Variants in DNAH12 observed in about 807,000 individuals in gnomAD.
The protein encoded by DNAH12 is axonemal beta dynein heavy chain 12.
In DNAH12, 285 loss-of-function variants were observed where a neutral mutation model predicts 371.5. The observed-to-expected ratio is 0.77, with a 90% CI of 0.70 to 0.85. The LOEUF (loss-of-function observed/expected upper bound fraction) is 0.85, where lower values mean the gene tolerates loss of function less well. Among genes scored for constraint, DNAH12 ranks in the 40% least tolerant of loss-of-function variants. The pLI is 0.00. For synonymous variants in DNAH12, 1,200 were observed against 1,213.0 expected (o/e 0.99, Z 0.22); for missense variants, 3,611 against 3,689.4 (o/e 0.98, Z 0.55).
At chr3:57,491,762 C>T (rs1440269583) in intron 11 of DNAH12, among the ~76,000 whole-genome samples, 1 of 150,526 alleles carries the variant, frequency 6.6e-6, no homozygotes, top group Admixed American at 6.6e-5. Context: ...ATAGGGAAAC[C>T]CCCATCTCTA....
intron 11 of DNAH12, among the ~76,000 whole-genome samples, chr3:57,497,620 T>A (rs1383962128): frequency 6.6e-6 from 1 of 152,186 alleles, no homozygotes; most frequent in Non-Finnish European, 1.5e-5. Flanking sequence ...ATGTGAAAGC[T>A]ACAACTATAA....
At chr3:57,550,794 T>A in the DNAH12 span, among the ~76,000 whole-genome samples, 415 of 151,784 alleles carry the variant, frequency 2.7e-3, 1 homozygote, top group African/African-American at 9.6e-3. Context: ...AAGTGCCATA[T>A]ATTTATTCTA....
At chr3:57,492,076 C>T (rs1205482336) in intron 11 of DNAH12, among the ~76,000 whole-genome samples, 3 of 151,988 alleles carry the variant, frequency 2.0e-5, no homozygotes, top group African/African-American at 7.2e-5. Context: ...GTGGAAGGAT[C>T]ACTTGAGCCC....
chr3:57,394,239 C>T lies in DNAH12; in HGVS notation c.7042G>A (p.Asp2348Asn), dbSNP rs1180111691. ...ACTTCTCCTGTATTGAGCACACTGT[C>T]GATATCCTCTAGGAAAGCTTCCTCT... The part of the protein sequence containing the change: ...IKEEAFLEDI[D>N]SVLNTGEVPN... The change falls in exon 44 of 74, where the codon GAC (aspartate) becomes AAC (asparagine). Residue 2348 changes from aspartate (D) to asparagine (N), a missense_variant. By Grantham distance (23) the Asp-to-Asn change is conservative (BLOSUM62 1). Coordinates refer to ENST00000495027, the MANE Select transcript of DNAH12 (RefSeq NM_001366028.2). 3 of 152,168 alleles carry T rather than the reference C, an allele frequency of 2.0e-5. No homozygotes were observed. The highest frequency in any genetic ancestry group is 4.8e-5 in the African/African-American group (2 of 41,426). 9.4% of individuals were successfully genotyped at this position (152,168 alleles called of 1,614,324 possible). A position where few individuals can be genotyped will look rare whatever the true frequency, so the allele number is the denominator to read the frequency against.
In DNAH12 at chr3:57,501,317, T is replaced by C. The variant is rs1171261320; in HGVS notation, c.1335+4A>G. ...GCATTAATAAAAACAGAATTACCGC[T>C]TACCTCTGTATATTCATCAAAAGTA... is the stretch of plus-strand genomic sequence containing the variant. On this transcript the variant is annotated splice_donor_region_variant and intron_variant, in intron 11 of 73. Transcript: ENST00000495027. The C allele has an allele frequency of 1.3e-6, 2 of 1,599,030 alleles. No homozygotes were observed. The highest frequency in any genetic ancestry group is 3.5e-5 in the Admixed American group (2 of 56,992).
chr3:57,455,424 G>A (rs191361969), intron 22 of DNAH12, among the ~76,000 whole-genome samples: 271 of 151,474 alleles, frequency 1.8e-3, no homozygotes, highest in African/African-American at 6.1e-3. Context: ...AAAAAAAATA[G>A]CTGGGCATGG....
intron 60 of DNAH12, among the ~76,000 whole-genome samples, chr3:57,339,976 T>C (rs1553655564): frequency 1.3e-5 from 2 of 151,598 alleles, no homozygotes; most frequent in East Asian, 3.9e-4. Flanking sequence ...GAGGCTGATA[T>C]GGGAGGATTG....
chr3:57,528,800 C>T (rs1345683951), intron 2 of DNAH12, among the ~76,000 whole-genome samples: 3 of 149,732 alleles, frequency 2.0e-5, no homozygotes, highest in Non-Finnish European at 4.4e-5. Context: ...CTGGGATTTT[C>T]AATTTCTTTT....
At position 57,412,265 on chromosome 3, in the gene DNAH12, T is replaced by C. The variant is rs142671270; in HGVS notation, c.6020+1481A>G. ...CAACTGGACATACACGTGTAAAAAA[T>C]TGACCTATACACAATTTTACACCCT... On this transcript the variant is annotated intron_variant, in intron 39 of 73. Transcript: ENST00000495027. Among the ~76,000 whole-genome samples, 483 of 152,228 alleles carry C rather than the reference T, an allele frequency of 3.2e-3. 3 individuals are homozygous for C. The highest frequency in any genetic ancestry group is 4.7e-3 in the Non-Finnish European group (323 of 68,012).
chr3:57,399,726 C>T (rs2063817278), intron 43 of DNAH12, among the ~76,000 whole-genome samples: 1 of 152,200 alleles, frequency 6.6e-6, no homozygotes, highest in Non-Finnish European at 1.5e-5. Context: ...ACTCACTCCT[C>T]TTCGTCCTCT....
chr3:57,398,889 G>A (rs1191757086), intron 43 of DNAH12, among the ~76,000 whole-genome samples: 1 of 152,144 alleles, frequency 6.6e-6, no homozygotes, highest in Non-Finnish European at 1.5e-5. Flanking sequence ...TAAACATGTG[G>A]AGAAATAGAG....
In DNAH12 at chr3:57,405,637, T is replaced by C. The variant is rs781937873; in HGVS notation, c.6576+16A>G. ...GTACTGCTTTAACTCAATATGTTCT[T>C]AATCGCCATACTCACTGGTGCATTT... On this transcript the variant is annotated intron_variant, in intron 41 of 73. Coordinates refer to ENST00000495027, the MANE Select transcript of DNAH12 (RefSeq NM_001366028.2). The C allele has an allele frequency of 6.5e-7, 1 of 1,545,998 alleles. No individual in the cohort carries two copies. Among genetic ancestry groups the C allele is most frequent in the African/African-American group, 1.4e-5 (1 of 72,860 alleles).
intron 39 of DNAH12, among the ~76,000 whole-genome samples, chr3:57,410,244 G>T (rs554105982): frequency 1.2e-3 from 188 of 152,024 alleles, no homozygotes; most frequent in African/African-American, 4.4e-3. Flanking sequence ...TTTTCCAACA[G>T]CATTTGCTTA....
chr3:57,429,617 T>TA, intron 33 of DNAH12, 74 bp downstream of exon 33: 1 of 1,380,540 alleles, frequency 7.2e-7, no homozygotes, highest in Non-Finnish European at 9.8e-7. Flanking sequence ...TGACATATAA[T>TA]AAAAAATACT....
intron 65 of DNAH12, among the ~76,000 whole-genome samples, chr3:57,317,293 C>G (rs879761856): frequency 1.3e-5 from 2 of 152,086 alleles, no homozygotes; most frequent in Non-Finnish European, 2.9e-5. Context: ...GTATTGTTAA[C>G]TATAAGGACA....
chr3:57,531,028 GTCTT>G, intron 2 of DNAH12: 1 of 152,434 alleles, frequency 6.6e-6, no homozygotes, highest in African/African-American at 2.4e-5. Context: ...TCATCTTTTA[GTCTT>G]TCTACTTAAG....
upstream of DNAH12, among the ~76,000 whole-genome samples, chr3:57,545,483 C>T (rs2069500500): frequency 6.6e-6 from 1 of 151,680 alleles, no homozygotes; most frequent in Non-Finnish European, 1.5e-5. Flanking sequence ...AAACTCAGTC[C>T]TATGACAGAT....
intron 59 of DNAH12, among the ~76,000 whole-genome samples, chr3:57,356,945 G>T (rs1215639608): frequency 6.6e-6 from 1 of 151,800 alleles, no homozygotes; most frequent in African/African-American, 2.4e-5. Context: ...GTTTCATCAT[G>T]TTGGCCAGGC....
intron 11 of DNAH12, among the ~76,000 whole-genome samples, chr3:57,491,227 C>A (rs2067115649): frequency 6.6e-6 from 1 of 151,776 alleles, no homozygotes; most frequent in African/African-American, 2.4e-5. Flanking sequence ...TACAAACTTA[C>A]CGTGGACAAA....
Sources: gnomAD v4.1 joint callset for allele counts (sites outside exome capture counted in the v4.1 genomes callset) on GRCh38, gnomAD v4.1.1 for gene constraint, MANE v1.5 for transcripts, NCBI Gene and HGNC (gene_info 2026-07-23, HGNC 2026-07-21) for gene names.